Variants in ACACB observed in about 807,000 individuals in gnomAD.
ACACB encodes acetyl-CoA carboxylase 2.
A neutral mutation model predicts 278.8 loss-of-function variants in ACACB; 209 were observed. That is an observed-to-expected ratio of 0.75 (90% CI 0.67 to 0.84). The LOEUF (loss-of-function observed/expected upper bound fraction) is 0.84. Ranked by LOEUF, ACACB falls within the 40% of genes least tolerant of loss-of-function variation. The pLI, the probability that ACACB is intolerant of heterozygous loss-of-function variation, is 0.00. For missense variants in ACACB, 2,850 were observed against 3,269.0 expected, an observed-to-expected ratio of 0.87 and a Z score of 3.13; for synonymous variants, 1,174 against 1,285.6, an observed-to-expected ratio of 0.91 and a Z score of 1.86.
intron 1 of ACACB, among the ~76,000 whole-genome samples, chr12:109,118,470 A>G (rs2042461284): frequency 7.1e-6 from 1 of 141,054 alleles, no homozygotes; most frequent in Non-Finnish European, 1.5e-5. Context: ...CTGGAGTGCG[A>G]TGGCACAATC....
intron 21 of ACACB, among the ~76,000 whole-genome samples, chr12:109,210,276 C>T (rs377248609): frequency 0.14 from 821 of 5,704 alleles, 174 homozygotes; most frequent in Middle Eastern, 0.25. Context: ...TGTACATATA[C>T]ACACACATAT....
At chr12:109,261,361 A>G (rs1404269905) in intron 48 of ACACB, among the ~76,000 whole-genome samples, 6 of 152,204 alleles carry the variant, frequency 3.9e-5, no homozygotes, top group Non-Finnish European at 7.3e-5. Flanking sequence ...AAATGGGCCA[A>G]GCTTGTCCTG....
intron 6 of ACACB, among the ~76,000 whole-genome samples, chr12:109,172,558 C>A (rs182829639): frequency 1.3e-5 from 2 of 152,078 alleles, no homozygotes; most frequent in Non-Finnish European, 1.5e-5. Context: ...AGGAGCTGCC[C>A]GCTTTTCAAA....
chr12:109,184,800 AG>A (rs2044597620), intron 11 of ACACB, among the ~76,000 whole-genome samples: 1 of 150,736 alleles, frequency 6.6e-6, no homozygotes, highest in Admixed American at 6.6e-5. Context: ...TCAACCTCCC[AG>A]GCTCAAGTGA....
intron 43 of ACACB, among the ~76,000 whole-genome samples, chr12:109,253,436 T>C (rs1341578787): frequency 2.6e-5 from 4 of 152,310 alleles, no homozygotes; most frequent in South Asian, 4.1e-4. Context: ...AGAGGCAGCA[T>C]TGGACAATAC....
At chr12:109,132,814 G>C (rs530298857) in intron 1 of ACACB, among the ~76,000 whole-genome samples, 1 of 152,316 alleles carries the variant, frequency 6.6e-6, no homozygotes, top group South Asian at 2.1e-4. Context: ...CCCTGGCAAG[G>C]AAGGTTTGGG....
chr12:109,175,847 C>T (rs2044265815), intron 7 of ACACB, 84 bp from the exon 8 acceptor site: 3 of 1,181,662 alleles, frequency 2.5e-6, no homozygotes, highest in Non-Finnish European at 3.8e-6. Context: ...AGCACTATGT[C>T]AGCAGGGAGA....
At chr12:109,196,888 G>C in intron 16 of ACACB, 120 bp from the exon 17 acceptor site, 3 of 1,170,402 alleles carry the variant, frequency 2.6e-6, no homozygotes. Flanking sequence ...CGAGAGACGG[G>C]GGTGTTCATC....
At position 109,233,728 on chromosome 12, in the gene ACACB, C is replaced by A; in HGVS notation, c.4140-20C>A. 6.2e-7 allele frequency: 1 copy of A among 1,609,878 alleles called. No individual in the cohort carries two copies. The highest frequency in any genetic ancestry group is 8.5e-7 in the Non-Finnish European group (1 of 1,176,730). On this transcript the variant is annotated intron_variant, in intron 29 of 52. Coordinates refer to ENST00000338432, the MANE Select transcript of ACACB (RefSeq NM_001093.4). Reference sequence around the variant, plus strand: ...TGGGTCAGCAGCCCCTCAGCCCTCCCTCTCTACCCGCACCCCCAGAAATTT... The same window carrying A: ...TGGGTCAGCAGCCCCTCAGCCCTCCATCTCTACCCGCACCCCCAGAAATTT...
chr12:109,259,114 C>T lies in ACACB; in HGVS notation c.6496+6C>T. On this transcript the variant is annotated splice_donor_region_variant and intron_variant, in intron 47 of 52. Transcript: ENST00000338432. ...GTTCTCCGGTGGCATGAAAGGTAAG[C>T]CCCTCCCTGCCTATGTTACCCCAAA... 3.1e-6 allele frequency: 5 copies of T among 1,613,526 alleles called. No individual in the cohort carries two copies. Among genetic ancestry groups the T allele is most frequent in the Non-Finnish European group, 4.2e-6 (5 of 1,179,690 alleles).
intron 11 of ACACB, among the ~76,000 whole-genome samples, chr12:109,184,924 C>A (rs2044602545): frequency 6.6e-6 from 1 of 152,060 alleles, no homozygotes; most frequent in Admixed American, 6.6e-5. Context: ...GTTGCCCAGG[C>A]TGGTCTCCAA....
At chr12:109,188,546 C>G (rs527314163) in intron 13 of ACACB, among the ~76,000 whole-genome samples, 2 of 151,452 alleles carry the variant, frequency 1.3e-5, no homozygotes, top group East Asian at 1.9e-4. Context: ...CTTTCCCTCC[C>G]TTCCCACTTC....
chr12:109,171,805 A>C lies in ACACB; in HGVS notation c.926A>C (p.Glu309Ala), dbSNP rs1173214456. Residue 309 changes from glutamate to alanine, a missense_variant and splice_region_variant, in exon 5 of 53, where the codon GAG (glutamate) becomes GCG (alanine). Glu to Ala is a moderately radical substitution (Grantham distance 107, BLOSUM62 -1). This residue lies in a region of ACACB where 2,265 missense variants were observed against 2,561.3 expected (regional missense o/e 0.88). Transcript: ENST00000338432. ...VTPEDLKANA[E>A]YIKMADHYVP... Reference sequence around the variant, plus strand: ...CCTTCTCCCTCCCATTTAATTTCAGAGTACATCAAGATGGCGGATCATTAC... The same window carrying C: ...CCTTCTCCCTCCCATTTAATTTCAGCGTACATCAAGATGGCGGATCATTAC... 19 of 1,611,680 alleles carry C rather than the reference A, an allele frequency of 1.2e-5. No homozygotes were observed. Among genetic ancestry groups the C allele is most frequent in the Non-Finnish European group, 1.6e-5 (19 of 1,177,836 alleles).
At chr12:109,178,610 T>G (rs1209803580) in intron 9 of ACACB, among the ~76,000 whole-genome samples, 1 of 152,200 alleles carries the variant, frequency 6.6e-6, no homozygotes, top group Non-Finnish European at 1.5e-5. Context: ...ACTATTGGGC[T>G]GGCGGTGCAG....
chr12:109,139,758 A>G lies in ACACB; in HGVS notation c.353A>G (p.Asn118Ser), dbSNP rs1347990740. 1 of 1,614,174 alleles carries G rather than the reference A, an allele frequency of 6.2e-7. No homozygotes were observed. The highest frequency in any genetic ancestry group is 1.1e-5 in the South Asian group (1 of 91,080). ...DAAPSPELQANGTGTQGLEAT... is the reference protein window; with the variant it reads ...DAAPSPELQASGTGTQGLEAT... ...GCACCCTCCCCAGAGCTTCAAGCCA[A>G]CGGGACTGGGACACAAGGTCTGGAG... Residue 118 changes from asparagine (N) to serine (S), a missense_variant, in exon 2 of 53, where the codon AAC becomes AGC. Physicochemically the swap from Asn to Ser is conservative, Grantham distance 46. This residue lies in a region of ACACB where 2,265 missense variants were observed against 2,561.3 expected (regional missense o/e 0.88). Transcript: ENST00000338432.
intron 22 of ACACB, among the ~76,000 whole-genome samples, chr12:109,215,816 T>G (rs574046220): frequency 2.0e-5 from 3 of 152,232 alleles, no homozygotes; most frequent in African/African-American, 7.2e-5. Flanking sequence ...TTTTATTTAT[T>G]TATTTTGAGA....
At chr12:109,210,331 G>GTA (rs1286140526) in intron 21 of ACACB, among the ~76,000 whole-genome samples, 5 of 77,788 alleles carry the variant, frequency 6.4e-5, no homozygotes, top group African/African-American at 1.9e-4. Context: ...GTGTATATAT[G>GTA]TATATACACG....
Position 109,266,718 on chromosome 12 carries a change from T to C in ACACB, c.*356T>C, listed in dbSNP as rs2047528226. 6.2e-6 allele frequency: 1 copy of C among 161,716 alleles called. No homozygotes were observed. The highest frequency in any genetic ancestry group is 6.4e-5 in the Admixed American group (1 of 15,548). 10.0% of individuals were successfully genotyped at this position (161,716 alleles called of 1,614,324 possible). A position where few individuals can be genotyped will look rare whatever the true frequency, so the allele number is the denominator to read the frequency against. On this transcript the variant is annotated 3_prime_UTR_variant, in exon 53 of 53. Coordinates refer to ENST00000338432, the MANE Select transcript of ACACB (RefSeq NM_001093.4). ...TTCTTTAGGATCCTTGGATACCACA[T>C]CGTGAAATCTTTTATTTTTTTACTC...
intron 17 of ACACB, 91 bp from the exon 18 acceptor site, chr12:109,199,311 A>G: frequency 8.9e-7 from 1 of 1,124,318 alleles, no homozygotes; most frequent in Non-Finnish European, 1.2e-6. Flanking sequence ...CTCCCCCTTT[A>G]GGAAGGGGAA....
Sources: allele counts gnomAD v4.1 joint callset (sites outside exome capture counted in the v4.1 genomes callset), GRCh38; gene constraint gnomAD v4.1.1; regional missense constraint gnomAD v4.1.1; transcripts MANE v1.5; gene names NCBI Gene and HGNC (gene_info 2026-07-23, HGNC 2026-07-21).